Variants in BLM observed in about 807,000 individuals in gnomAD.
BLM encodes BLM RecQ like helicase.
A neutral mutation model predicts 135.3 loss-of-function variants in BLM; 95 were observed. The observed-to-expected ratio is 0.70, with a 90% CI of 0.59 to 0.83. BLM has a LOEUF of 0.83. Among genes scored for constraint, BLM ranks in the 40% least tolerant of loss-of-function variants. The probability of loss-of-function intolerance (pLI) is 0.00; values close to 1 mark genes in which losing one functional copy is unlikely to be tolerated. For synonymous variants in BLM, 520 were observed against 589.2 expected (o/e 0.88, Z 1.70); for missense variants, 1,518 against 1,663.9 (o/e 0.91, Z 1.53).
Position 90,761,127 on chromosome 15 carries a change from A to C in BLM, c.1754A>C (p.Gln585Pro). ...AASKSSTAAY[Q>P]PIKEGRPIKS... is the part of the protein sequence containing the mutation. Reference sequence around the variant, plus strand: ...AGCAAATCTTCCACAGCTGCCTATCAACCCATCAAGGAAGGTCGGCCAATT... The same window carrying C: ...AGCAAATCTTCCACAGCTGCCTATCCACCCATCAAGGAAGGTCGGCCAATT... Residue 585 changes from glutamine to proline, a missense_variant, in exon 7 of 22, where the codon CAA becomes CCA. Around this residue, in one of 5 missense-constraint regions of BLM, gnomAD observed 724 missense variants for 756.9 expected, o/e 0.96. Coordinates refer to ENST00000355112, the MANE Select transcript of BLM (RefSeq NM_000057.4). The C allele has an allele frequency of 6.5e-7, 1 of 1,540,046 alleles. No individual in the cohort carries two copies. The highest frequency in any genetic ancestry group is 8.7e-7 in the Non-Finnish European group (1 of 1,149,020).
chr15:90,790,862 G>A lies in BLM; in HGVS notation c.3019+18G>A. ...TATAATGAGTAAGCTGGGCTCCATT[G>A]TAGAGACATTCTGTCATCTTCAGCC... On this transcript the variant is annotated intron_variant, in intron 15 of 21. Transcript: ENST00000355112. 6.2e-7 allele frequency: 1 copy of A among 1,603,558 alleles called. No homozygotes were observed. The highest frequency in any genetic ancestry group is 8.5e-7 in the Non-Finnish European group (1 of 1,170,688).
chr15:90,767,110 T>C (rs1464415233), intron 10 of BLM, 87 bp downstream of exon 10: 2 of 812,980 alleles, frequency 2.5e-6, no homozygotes, highest in African/African-American at 3.5e-5. Context: ...TTTGTATACG[T>C]AGTGCAAAGA....
chr15:90,769,465 A>T lies in BLM; in HGVS notation c.2434A>T (p.Lys812Ter). The T allele has an allele frequency of 6.2e-7, 1 of 1,614,196 alleles. No individual in the cohort carries two copies. Among genetic ancestry groups the T allele is most frequent in the Non-Finnish European group, 8.5e-7 (1 of 1,180,018 alleles). ...GGGACATGATTTTCGTCAAGATTAC[A>T]AAAGAATGAATATGCTTCGCCAGAA... ...QWGHDFRQDY[K>*]RMNMLRQKFP... Residue 812 changes from lysine (K) to a stop codon, truncating the protein, a stop_gained, in exon 12 of 22, where the codon AAA (lysine) becomes TAA (stop). Coordinates refer to ENST00000355112, the MANE Select transcript of BLM (RefSeq NM_000057.4). LOFTEE classifies it high-confidence loss of function.
intron 15 of BLM, 139 bp from the exon 16 acceptor site, chr15:90,794,028 A>C: frequency 1.8e-6 from 1 of 540,876 alleles, no homozygotes; most frequent in Non-Finnish European, 3.2e-6. Context: ...TATAATATAG[A>C]ATGCCATGTT....
At chr15:90,783,034 C>A in intron 13 of BLM, 106 bp downstream of exon 13, 2 of 884,656 alleles carry the variant, frequency 2.3e-6, no homozygotes, top group Non-Finnish European at 3.7e-6. Context: ...TGCATTATGA[C>A]AGCACTAACT....
chr15:90,736,700 A>T (rs1895227070), intron 1 of BLM, among the ~76,000 whole-genome samples: 1 of 152,248 alleles, frequency 6.6e-6, no homozygotes, highest in Non-Finnish European at 1.5e-5. Context: ...AGTACTGTAC[A>T]GCTGTAAAGA....
rs184865986 is a variant in BLM, at chr15:90,784,162, G to A, written c.2663-759G>A. Among the ~76,000 whole-genome samples the A allele has an allele frequency of 2.1e-3, 317 of 152,090 alleles. 1 individual carries two copies. Among genetic ancestry groups the A allele is most frequent in the African/African-American group, 7.4e-3 (306 of 41,500 alleles). ...GTATTTGTTTCCCTAATGTTGCTCA[G>A]TAAAATCTTTGTAATTTTTAAAGTT... On this transcript the variant is annotated intron_variant, in intron 13 of 21. Transcript: ENST00000355112.
intron 12 of BLM, among the ~76,000 whole-genome samples, chr15:90,774,577 T>C (rs575114638): frequency 6.6e-6 from 1 of 151,954 alleles, no homozygotes; most frequent in Admixed American, 6.6e-5. Context: ...CTCATGCCTG[T>C]AATCCCAGCA....
intron 14 of BLM, among the ~76,000 whole-genome samples, chr15:90,785,937 A>G (rs1337167626): frequency 6.6e-6 from 1 of 151,358 alleles, no homozygotes; most frequent in Non-Finnish European, 1.5e-5. Flanking sequence ...TTATATGGAT[A>G]TAACACAGTT....
intron 1 of BLM, among the ~76,000 whole-genome samples, chr15:90,742,155 GC>G (rs1203090902): frequency 6.6e-6 from 1 of 152,154 alleles, no homozygotes; most frequent in African/African-American, 2.4e-5. Context: ...TTGCCCCAGT[GC>G]CCCAGTTAAG....
chr15:90,811,660 T>C (rs1897424214), intron 21 of BLM, among the ~76,000 whole-genome samples: 1 of 152,224 alleles, frequency 6.6e-6, no homozygotes, highest in Non-Finnish European at 1.5e-5. Context: ...AAAGTTTTCT[T>C]TCTTTTTTTA....
intron 14 of BLM, 167 bp from the exon 15 acceptor site, chr15:90,790,482 C>T: frequency 1.5e-6 from 1 of 654,274 alleles, no homozygotes; most frequent in South Asian, 1.9e-5. Context: ...AGTATAAAAA[C>T]TCATATTAGT....
At chr15:90,789,609 C>T (rs1015569960) in intron 14 of BLM, among the ~76,000 whole-genome samples, 3 of 152,184 alleles carry the variant, frequency 2.0e-5, no homozygotes, top group Non-Finnish European at 4.4e-5. Context: ...GCAGGCCACT[C>T]ACCGCCATTC....
chr15:90,798,369 T>A (rs17273842), intron 17 of BLM, 32 bp downstream of exon 17: 1 of 1,604,882 alleles, frequency 6.2e-7, no homozygotes, highest in Non-Finnish European at 8.5e-7. Flanking sequence ...TTTGAGTTAC[T>A]TCAATTGAAA....
chr15:90,735,569 A>G (rs1034609728), intron 1 of BLM, among the ~76,000 whole-genome samples: 8 of 105,652 alleles, frequency 7.6e-5, no homozygotes. Flanking sequence ...TAGTTCTGAA[A>G]TTATTAGGGC....
At chr15:90,797,035 G>A (rs1897043553) in intron 16 of BLM, among the ~76,000 whole-genome samples, 1 of 152,098 alleles carries the variant, frequency 6.6e-6, no homozygotes, top group South Asian at 2.1e-4. Flanking sequence ...TGATGTATGT[G>A]GAGGACAGGA....
In BLM at chr15:90,760,722, TGAA is replaced by T. The variant is rs778949558; in HGVS notation, c.1351_1353del (p.Lys451del). On this transcript the variant is annotated inframe_deletion, in exon 7 of 22. Coordinates refer to ENST00000355112, the MANE Select transcript of BLM (RefSeq NM_000057.4). ...GATTCCTGCCCTACAGGGAATTCTA[TGAA>T]GGAGTTAAATTTTTCACACCTTCCC... 6.2e-7 allele frequency: 1 copy of T among 1,614,176 alleles called. No homozygotes were observed. Among genetic ancestry groups the T allele is most frequent in the African/African-American group, 1.3e-5 (1 of 75,056 alleles).
At chr15:90,786,890 G>A (rs1896763665) in intron 14 of BLM, among the ~76,000 whole-genome samples, 1 of 151,966 alleles carries the variant, frequency 6.6e-6, no homozygotes, top group Non-Finnish European at 1.5e-5. Flanking sequence ...TGGGATGACA[G>A]GTGTGAGCCA....
intron 12 of BLM, among the ~76,000 whole-genome samples, chr15:90,775,437 CAT>C (rs1896447613): frequency 6.7e-6 from 1 of 149,386 alleles, no homozygotes; most frequent in African/African-American, 2.5e-5. Flanking sequence ...TGCATATATA[CAT>C]ATATGTTTTA....
Sources: allele counts gnomAD v4.1 joint callset (sites outside exome capture counted in the v4.1 genomes callset), GRCh38; gene constraint gnomAD v4.1.1; regional missense constraint gnomAD v4.1.1; transcripts MANE v1.5; gene names NCBI Gene and HGNC (gene_info 2026-07-23, HGNC 2026-07-21).